The following PCYT2 variants were observed in gnomAD, a reference collection of about 807,000 sequenced individuals.
The protein encoded by PCYT2 is ethanolamine-phosphate cytidylyltransferase.
PCYT2 carries 33 observed loss-of-function variants against 50.0 expected under a neutral mutation model. The ratio of observed to expected loss-of-function variants is 0.66; its 90% CI spans 0.50 to 0.88. The LOEUF (loss-of-function observed/expected upper bound fraction) is 0.88. Ranked by LOEUF, PCYT2 falls within the 40% of genes least tolerant of loss-of-function variation. The probability of loss-of-function intolerance (pLI) is 0.00; values close to 1 mark genes in which losing one functional copy is unlikely to be tolerated. For missense variants in PCYT2, 430 were observed against 519.7 expected (o/e 0.83, Z 1.68); for synonymous variants, 240 against 203.7 (o/e 1.18, Z -1.52).
rs2040021499 is a variant in PCYT2 at position 81,902,951 on chromosome 17, G to A, written c.*1882C>T. 1.9e-5 allele frequency: 10 copies of A among 535,160 alleles called. No individual in the cohort carries two copies. The South Asian group carries it at 2.8e-4, about 15-fold the overall frequency. The allele number at this position is 535,160 out of a possible 1,614,324, so 33.2% of individuals were successfully genotyped here. A position where few individuals can be genotyped will look rare whatever the true frequency, so the allele number is the denominator to read the frequency against. On this transcript the variant is annotated 3_prime_UTR_variant, in exon 13 of 13. Coordinates refer to ENST00000538936, the MANE Select transcript of PCYT2 (RefSeq NM_002861.5). ...GGCAGCCAGGCCACGAGGGGAACGG[G>A]ACCTGGAAATCCCCAAGCCTGGGTA...
chr17:81,907,287 G>A, intron 6 of PCYT2: 1 of 1,512,426 alleles, frequency 6.6e-7, no homozygotes, highest in South Asian at 1.2e-5. Context: ...CAGGCCACTT[G>A]GTTAGAGGCC....
At position 81,907,500 on chromosome 17, in the gene PCYT2, C is replaced by G. The variant is rs926643147; in HGVS notation, c.537+54G>C. On this transcript the variant is annotated intron_variant, in intron 6 of 12. Transcript: ENST00000538936. Reference sequence around the variant, plus strand: ...CCAAGGGATGGCTGGGACAGGTGGCCGGGGGAGCCCCCTGCAGCTGCGTGC... The same window carrying G: ...CCAAGGGATGGCTGGGACAGGTGGCGGGGGGAGCCCCCTGCAGCTGCGTGC... 2.6e-6 allele frequency: 4 copies of G among 1,551,918 alleles called. No individual in the cohort carries two copies. The East Asian group carries it at 6.9e-5, about 27-fold the overall frequency.
At chr17:81,907,010 C>T (rs1319284871) in intron 6 of PCYT2, 112 bp from the exon 7 acceptor site, 2 of 1,314,664 alleles carry the variant, frequency 1.5e-6, no homozygotes, top group Non-Finnish European at 2.1e-6. Context: ...TCCAGCCAGT[C>T]ATCTCGGGCA....
chr17:81,902,038 C>G lies in PCYT2; in HGVS notation c.*2795G>C. On this transcript the variant is annotated 3_prime_UTR_variant, in exon 13 of 13. Coordinates refer to ENST00000538936, the MANE Select transcript of PCYT2 (RefSeq NM_002861.5). Reference sequence around the variant, plus strand: ...GGCATGGGTGGGGAGCTTGAGGGGGCGTTGGGCTCCCACCAAGCGCCAGAT... The same window carrying G: ...GGCATGGGTGGGGAGCTTGAGGGGGGGTTGGGCTCCCACCAAGCGCCAGAT... 1 of 275,648 alleles carries G rather than the reference C, an allele frequency of 3.6e-6. No homozygotes were observed. Among genetic ancestry groups the G allele is most frequent in the Non-Finnish European group, 6.6e-6 (1 of 150,502 alleles). The allele number at this position is 275,648 out of a possible 1,614,324, so 17.1% of individuals were successfully genotyped here.
rs1037327622 is a variant in PCYT2 at position 81,911,393 on chromosome 17, C to G, written c.-38G>C. Reference sequence around the variant, plus strand: ...GCGGCGCGGACAGCCTGGCAGCTCCCGGCGACTCCGAGCGCCGCCGCCCGC... The same window carrying G: ...GCGGCGCGGACAGCCTGGCAGCTCCGGGCGACTCCGAGCGCCGCCGCCCGC... On this transcript the variant is annotated 5_prime_UTR_variant, in exon 1 of 13. Coordinates refer to ENST00000538936, the MANE Select transcript of PCYT2 (RefSeq NM_002861.5). The G allele has an allele frequency of 1.0e-5, 10 of 994,996 alleles. No homozygotes were observed. Among genetic ancestry groups the G allele is most frequent in the Middle Eastern group, 4.9e-4 (1 of 2,060 alleles). The allele number at this position is 994,996 out of a possible 1,614,324, so 61.6% of individuals were successfully genotyped here.
rs201728723 is a variant in PCYT2, at chr17:81,905,393, C to T, written c.958G>A (p.Asp320Asn). The change falls in exon 11 of 13, where the codon GAC (aspartate) becomes AAC (asparagine). Residue 320 changes from aspartate to asparagine, a missense_variant. Transcript: ENST00000538936. ...CCAGCATGACCCACCTGGTATGGGT[C>T]GGAGCCATCCCTGTCAGGGATAATT... ...TEIIPDRDGS[D>N]PYQEPKRRGI... 67 of 1,559,934 alleles carry T rather than the reference C, an allele frequency of 4.3e-5. No individual in the cohort carries two copies. Among genetic ancestry groups the T allele is most frequent in the Admixed American group, 5.7e-5 (3 of 52,376 alleles).
At chr17:81,905,645 G>C in intron 10 of PCYT2, 25 bp downstream of exon 10, 1 of 1,604,620 alleles carries the variant, frequency 6.2e-7, no homozygotes, top group Non-Finnish European at 8.5e-7. Context: ...CAGAGGGAAC[G>C]AGGTGAGCCC....
At chr17:81,908,355 TG>T (rs1232059050) in intron 4 of PCYT2, among the ~76,000 whole-genome samples, 1 of 152,226 alleles carries the variant, frequency 6.6e-6, no homozygotes, top group Non-Finnish European at 1.5e-5. Flanking sequence ...TTTGGAGCCC[TG>T]GGGCCATGGG....
At chr17:81,907,352 A>G in intron 6 of PCYT2, 1 of 1,309,340 alleles carries the variant, frequency 7.6e-7, no homozygotes, top group Non-Finnish European at 1.0e-6. Flanking sequence ...GTGACCGGCC[A>G]GCCGGTGCCA....
At position 81,902,149 on chromosome 17, in the gene PCYT2, C is replaced by G; in HGVS notation, c.*2684G>C. 2.2e-6 allele frequency: 2 copies of G among 911,622 alleles called. No homozygotes were observed. Among genetic ancestry groups the G allele is most frequent in the African/African-American group, 1.7e-5 (1 of 57,218 alleles). The allele number at this position is 911,622 out of a possible 1,614,324, so 56.5% of individuals were successfully genotyped here. On this transcript the variant is annotated 3_prime_UTR_variant, in exon 13 of 13. Coordinates refer to ENST00000538936, the MANE Select transcript of PCYT2 (RefSeq NM_002861.5). ...GGCTCCTCCGCGCGCGCCCGCTGCA[C>G]CCCAGCCCGCCCGCCGCCCCTCCCG...
chr17:81,910,419 C>G (rs2040525389), intron 1 of PCYT2, among the ~76,000 whole-genome samples: 1 of 152,264 alleles, frequency 6.6e-6, no homozygotes, highest in Admixed American at 6.5e-5. Context: ...TCCCAGCACC[C>G]CTGCCACAGT....
rs1401834239 is a variant in PCYT2, at chr17:81,902,071, C to T, written c.*2762G>A. 1.5e-5 allele frequency: 5 copies of T among 329,920 alleles called. No homozygotes were observed. The highest frequency in any genetic ancestry group is 2.6e-5 in the Non-Finnish European group (5 of 193,094). 20.4% of individuals were successfully genotyped at this position (329,920 alleles called of 1,614,324 possible). ...TCCCACCAAGCGCCAGATCCTTGCGCGCCTCCAGCGCTCGCCCGCGCGGCT... is the reference window on the plus strand; with the variant it reads ...TCCCACCAAGCGCCAGATCCTTGCGTGCCTCCAGCGCTCGCCCGCGCGGCT... On this transcript the variant is annotated 3_prime_UTR_variant, in exon 13 of 13. Transcript: ENST00000538936.
chr17:81,905,494 C>T (rs754405163), intron 10 of PCYT2, 47 bp from the exon 11 acceptor site: 13 of 1,529,440 alleles, frequency 8.5e-6, no homozygotes, highest in African/African-American at 1.4e-5. Flanking sequence ...AGGCAGCGGC[C>T]GTCGCCACCC....
rs1359295688 is a variant in PCYT2 at position 81,907,596 on chromosome 17, C to T, written c.495G>A (p.Glu165=). 2 of 1,611,748 alleles carry T rather than the reference C, an allele frequency of 1.2e-6. No homozygotes were observed. Among genetic ancestry groups the T allele is most frequent in the Non-Finnish European group, 1.7e-6 (2 of 1,179,436 alleles). Residue 165 remains glutamate, a splice_region_variant and synonymous_variant, in exon 6 of 13, where the codon GAG becomes GAA. Coordinates refer to ENST00000538936, the MANE Select transcript of PCYT2 (RefSeq NM_002861.5). ...CATACTCCCGGTACTCAGAGGACAT[C>T]TCCTGCACAGAAGGTCAGAGCAGGG... ...LVTKAHHSSQ[E]MSSEYREYAD...
chr17:81,909,062 T>C (rs1328228090), intron 2 of PCYT2, 25 bp from the exon 3 acceptor site: 2 of 1,604,360 alleles, frequency 1.2e-6, no homozygotes, highest in African/African-American at 2.7e-5. Context: ...ACGGGGAGAC[T>C]GGGGACCCCA....
Position 81,908,740 on chromosome 17 carries a change from A to G in PCYT2, c.341-106T>C. ...GGCCTGCCCTAGTGTCCGCGTGCCC[A>G]TTTCTAGGTGGGGGCCCGGAAATGT... On this transcript the variant is annotated intron_variant, in intron 3 of 12. Transcript: ENST00000538936. 6 of 1,326,478 alleles carry G rather than the reference A, an allele frequency of 4.5e-6. No individual in the cohort carries two copies. The South Asian group carries it at 4.9e-5, about 11-fold the overall frequency. 82.2% of individuals were successfully genotyped at this position (1,326,478 alleles called of 1,614,324 possible). A position where few individuals can be genotyped will look rare whatever the true frequency, so the allele number is the denominator to read the frequency against.
At chr17:81,908,510 C>G in intron 4 of PCYT2, 58 bp downstream of exon 4, 1 of 1,351,028 alleles carries the variant, frequency 7.4e-7, no homozygotes, top group East Asian at 2.3e-5. Context: ...AAAGCACGAG[C>G]CAGGAGGGAG....
At chr17:81,906,024 T>C (rs940861412) in intron 9 of PCYT2, 76 bp downstream of exon 9, 34 of 1,346,238 alleles carry the variant, frequency 2.5e-5, no homozygotes, top group Non-Finnish European at 3.0e-5. Context: ...CTGCCCTGGC[T>C]CAGGGAGGCC....
chr17:81,902,727 A>G lies in PCYT2; in HGVS notation c.*2106T>C, dbSNP rs1225828454. 2 of 1,608,056 alleles carry G rather than the reference A, an allele frequency of 1.2e-6. No homozygotes were observed. The highest frequency in any genetic ancestry group is 2.2e-5 in the East Asian group (1 of 44,640). ...CGAACGTCTTCCTGTCCCTGCGCGC[A>G]GCCGACTGCCTCGCCGCCTGAGCCC... On this transcript the variant is annotated 3_prime_UTR_variant, in exon 13 of 13. Transcript: ENST00000538936.
Sources: gnomAD v4.1 joint callset for allele counts (sites outside exome capture counted in the v4.1 genomes callset) on GRCh38, gnomAD v4.1.1 for gene constraint, MANE v1.5 for transcripts, NCBI Gene and HGNC (gene_info 2026-07-23, HGNC 2026-07-21) for gene names.